The following LRRC1 variants were observed in gnomAD, a reference collection of about 807,000 sequenced individuals.
LRRC1 encodes leucine rich repeat containing 1, also known as leucine-rich repeat-containing protein 1.
LRRC1 carries 28 observed loss-of-function variants against 69.9 expected under a neutral mutation model. That is an observed-to-expected ratio of 0.40 (90% CI 0.30 to 0.55). LRRC1 has a LOEUF of 0.55. LRRC1 is among the 20% of genes least tolerant of loss of function. The pLI is 0.47. For missense variants in LRRC1, 498 were observed against 609.0 expected (o/e 0.82, Z 1.92); for synonymous variants, 236 against 240.2 (o/e 0.98, Z 0.16).
intron 7 of LRRC1, among the ~76,000 whole-genome samples, 181 bp from the exon 8 acceptor site, chr6:53,899,566 A>G (rs1478042705): frequency 1.3e-5 from 2 of 152,160 alleles, no homozygotes; most frequent in African/African-American, 4.8e-5. Context: ...GATTCATTCA[A>G]CTTCCCACTT....
chr6:53,839,102 T>C (rs751892848), intron 1 of LRRC1, among the ~76,000 whole-genome samples: 2 of 151,262 alleles, frequency 1.3e-5, no homozygotes, highest in Non-Finnish European at 2.9e-5. Context: ...ATTGAATTAT[T>C]TAATAATATG....
chr6:53,879,379 G>A (rs910404897), intron 3 of LRRC1, among the ~76,000 whole-genome samples: 1 of 152,092 alleles, frequency 6.6e-6, no homozygotes. Context: ...TCCGCCTTCC[G>A]GGTTCAAGTG....
intron 1 of LRRC1, among the ~76,000 whole-genome samples, chr6:53,819,421 C>G (rs1765050545): frequency 6.6e-6 from 1 of 152,126 alleles, no homozygotes; most frequent in Non-Finnish European, 1.5e-5. Context: ...CCTCTTTTCA[C>G]AGAAGTGACT....
At chr6:53,817,047 A>T (rs1042165642) in intron 1 of LRRC1, among the ~76,000 whole-genome samples, 1 of 152,168 alleles carries the variant, frequency 6.6e-6, no homozygotes, top group Non-Finnish European at 1.5e-5. Context: ...CAAATGTAGA[A>T]ATGTTTAAAG....
chr6:53,883,088 C>T (rs1767354470), intron 4 of LRRC1, 112 bp downstream of exon 4: 1 of 664,110 alleles, frequency 1.5e-6, no homozygotes, highest in Non-Finnish European at 2.6e-6. Flanking sequence ...AAGCCATTTA[C>T]TCATTCTTTA....
Position 53,795,104 on chromosome 6 carries a change from C to G in LRRC1, c.-153C>G. The G allele has an allele frequency of 4.4e-6, 3 of 676,250 alleles. No individual in the cohort carries two copies. Among genetic ancestry groups the G allele is most frequent in the Non-Finnish European group, 7.1e-6 (3 of 424,594 alleles). 41.9% of individuals were successfully genotyped at this position (676,250 alleles called of 1,614,324 possible). On this transcript the variant is annotated 5_prime_UTR_variant, in exon 1 of 14. Transcript: ENST00000370888. ...CGCTCCAGGTTCCTTGAAGCACTTC[C>G]GACCGCGAAGCCCGGCGCGAGAAGC...
chr6:53,920,901 AAGAT>A (rs1350785009), intron 13 of LRRC1, 140 bp downstream of exon 13: 3 of 906,718 alleles, frequency 3.3e-6, no homozygotes, highest in Non-Finnish European at 5.0e-6. Context: ...TTAGAAGACA[AAGAT>A]AGGTAATTCT....
intron 1 of LRRC1, among the ~76,000 whole-genome samples, chr6:53,830,403 A>C (rs769542497): frequency 6.6e-5 from 10 of 152,192 alleles, no homozygotes; most frequent in Non-Finnish European, 1.5e-4. Context: ...TTGTTCCTTA[A>C]ACAGTAGGGG....
chr6:53,904,930 C>G (rs919343850), intron 10 of LRRC1: 1 of 153,652 alleles, frequency 6.5e-6, no homozygotes, highest in African/African-American at 2.4e-5. Flanking sequence ...TGAGGTTGAA[C>G]AAACTGTTCA....
At chr6:53,867,536 G>T (rs1395633566) in intron 2 of LRRC1, among the ~76,000 whole-genome samples, 1 of 152,046 alleles carries the variant, frequency 6.6e-6, no homozygotes, top group African/African-American at 2.4e-5. Flanking sequence ...GTAGGAAAAA[G>T]ATTAATTTTA....
Position 53,902,741 on chromosome 6 carries a change from G to T in LRRC1, c.900G>T (p.Gln300His), listed in dbSNP as rs568040683. 24 of 1,601,960 alleles carry T rather than the reference G, an allele frequency of 1.5e-5. No individual in the cohort carries two copies. The highest frequency in any genetic ancestry group is 2.0e-5 in the Non-Finnish European group (24 of 1,171,964). The change falls in exon 9 of 14, where the codon CAG becomes CAT. Residue 300 changes from glutamine to histidine, a missense_variant. This residue lies in a region of LRRC1 where 266 missense variants were observed against 383.9 expected (regional missense o/e 0.69). Transcript: ENST00000370888. ...CTGAGTTAGTTCTTACAGAAAATCA[G>T]CTCCTGGTAAGTGTGGTTTGCACAT... ...SLTELVLTEN[Q>H]LLTLPKSIGK... is the part of the protein sequence containing the mutation.
chr6:53,907,092 T>C (rs899984761), intron 10 of LRRC1, among the ~76,000 whole-genome samples: 4 of 152,234 alleles, frequency 2.6e-5, no homozygotes, highest in African/African-American at 9.6e-5. Flanking sequence ...GTCATGAGTC[T>C]CTGTGCAGTG....
At chr6:53,880,136 TG>T (rs566502096) in intron 3 of LRRC1, among the ~76,000 whole-genome samples, 238 of 152,344 alleles carry the variant, frequency 1.6e-3, no homozygotes, top group African/African-American at 5.5e-3. Flanking sequence ...TATGGAGTGC[TG>T]GAGAATGCAC....
At chr6:53,819,702 C>T (rs1765059402) in intron 1 of LRRC1, among the ~76,000 whole-genome samples, 1 of 152,066 alleles carries the variant, frequency 6.6e-6, no homozygotes, top group South Asian at 2.1e-4. Context: ...TATATAAATT[C>T]ATCTTCAGTT....
chr6:53,884,586 T>C (rs1767410675), intron 4 of LRRC1, among the ~76,000 whole-genome samples: 1 of 152,142 alleles, frequency 6.6e-6, no homozygotes, highest in African/African-American at 2.4e-5. Flanking sequence ...CTCCTCTTGC[T>C]CCTCAGGATG....
intron 4 of LRRC1, among the ~76,000 whole-genome samples, chr6:53,889,538 CACAA>C (rs148004888): frequency 0.017 from 2,590 of 152,266 alleles, 76 homozygotes; most frequent in African/African-American, 0.06. Context: ...AAGAACCAGA[CACAA>C]ACAATCACAT....
chr6:53,795,262 C>G lies in LRRC1; in HGVS notation c.6C>G (p.Phe2Leu), dbSNP rs1203297600. ...AGGCGGCGGCGGGGGCGGCGATGTT[C>G]CACTGCATCCCCCTGTGGCGGTGCA... M[F>L]HCIPLWRCNR... The change falls in exon 1 of 14, where the codon TTC (phenylalanine) becomes TTG (leucine). Residue 2 changes from phenylalanine (F) to leucine (L), a missense_variant. Around this residue, in one of 3 missense-constraint regions of LRRC1, gnomAD observed 70 missense variants for 62.1 expected, o/e 1.13. Coordinates refer to ENST00000370888, the MANE Select transcript of LRRC1 (RefSeq NM_018214.5). The G allele has an allele frequency of 8.7e-6, 14 of 1,607,704 alleles. No individual in the cohort carries two copies. Among genetic ancestry groups the G allele is most frequent in the Middle Eastern group, 1.7e-4 (1 of 5,840 alleles).
chr6:53,808,673 C>T (rs1039715910), intron 1 of LRRC1, among the ~76,000 whole-genome samples: 3 of 114,828 alleles, frequency 2.6e-5, no homozygotes, highest in African/African-American at 6.3e-5. Context: ...AGTCTAGCTC[C>T]AGATCCAGTG....
chr6:53,810,768 T>G (rs1764769946), intron 1 of LRRC1, among the ~76,000 whole-genome samples: 1 of 152,206 alleles, frequency 6.6e-6, no homozygotes, highest in African/African-American at 2.4e-5. Context: ...ACTTGTTAAT[T>G]TTCTGTCACT....
Sources: allele counts gnomAD v4.1 joint callset (sites outside exome capture counted in the v4.1 genomes callset), GRCh38; gene constraint gnomAD v4.1.1; regional missense constraint gnomAD v4.1.1; transcripts MANE v1.5; gene names NCBI Gene and HGNC (gene_info 2026-07-23, HGNC 2026-07-21).